FHIT: variants seen among roughly 807,000 people sequenced by gnomAD.
FHIT encodes the protein fragile histidine triad diadenosine triphosphatase.
In FHIT, 19 loss-of-function variants were observed where a neutral mutation model predicts 17.9. The observed-to-expected ratio is 1.06, with a 90% CI of 0.74 to 1.56. The LOEUF (loss-of-function observed/expected upper bound fraction) is 1.56, where lower values mean the gene tolerates loss of function less well. FHIT is among the 40% of genes most tolerant of loss of function. FHIT has a pLI of 0.00. For synonymous variants in FHIT, 81 were observed against 69.7 expected (o/e 1.16, Z -0.81); for missense variants, 248 against 189.2 (o/e 1.31, Z -1.82).
intron 1 of FHIT, among the ~76,000 whole-genome samples, chr3:61,206,250 G>C (rs1456697281): frequency 1.5e-5 from 2 of 130,928 alleles, no homozygotes; most frequent in Non-Finnish European, 3.3e-5. Context: ...GTCAGGTAGT[G>C]TGATGCCTCC....
intron 5 of FHIT, among the ~76,000 whole-genome samples, chr3:60,054,635 C>T (rs886533505): frequency 1.3e-5 from 2 of 152,124 alleles, no homozygotes; most frequent in Non-Finnish European, 2.9e-5. Context: ...ACACTTCTGC[C>T]TGATCTGCTT....
At chr3:60,329,285 CTAGCCAT>C (rs1209299153) in intron 5 of FHIT, among the ~76,000 whole-genome samples, 1 of 151,954 alleles carries the variant, frequency 6.6e-6, no homozygotes, top group African/African-American at 2.4e-5. Flanking sequence ...GCTGAGTGTT[CTAGCCAT>C]TAGCCATTAG....
rs187965253 is a variant in FHIT at position 60,579,233 on chromosome 3, C to A, written c.-17-42254G>T. Among the ~76,000 whole-genome samples, 10 of 152,206 alleles carry A rather than the reference C, an allele frequency of 6.6e-5. No homozygotes were observed. The South Asian group carries it at 8.3e-4, about 13-fold the overall frequency. The stretch of plus-strand genomic sequence containing the variant: ...TAGCCCACTATACACATAGGCTATA[C>A]GCTATATGCTATATGCTGTAACCTA... On this transcript the variant is annotated intron_variant, in intron 4 of 9. Coordinates refer to ENST00000492590, the MANE Select transcript of FHIT (RefSeq NM_002012.4).
chr3:61,198,790 A>G (rs952918244), intron 2 of FHIT, among the ~76,000 whole-genome samples: 2 of 152,176 alleles, frequency 1.3e-5, no homozygotes, highest in Non-Finnish European at 2.9e-5. Flanking sequence ...TGGTAGCAAC[A>G]TGCTTATTTT....
At chr3:61,080,639 A>C (rs986912222) in intron 2 of FHIT, among the ~76,000 whole-genome samples, 7 of 152,190 alleles carry the variant, frequency 4.6e-5, no homozygotes, top group African/African-American at 1.7e-4. Context: ...ACTAACTGCA[A>C]ATAGAATTTA....
chr3:60,248,541 C>T (rs1200680409), intron 5 of FHIT, among the ~76,000 whole-genome samples: 1 of 152,062 alleles, frequency 6.6e-6, no homozygotes, highest in East Asian at 1.9e-4. Flanking sequence ...CATTTCGTTT[C>T]CATTTGAATT....
chr3:60,770,122 C>T (rs1699991226), intron 4 of FHIT, among the ~76,000 whole-genome samples: 1 of 152,044 alleles, frequency 6.6e-6, no homozygotes, highest in Non-Finnish European at 1.5e-5. Flanking sequence ...CTGCCGTGTG[C>T]CATGGTAAAG....
intron 4 of FHIT, among the ~76,000 whole-genome samples, chr3:60,798,808 A>T (rs1338602115): frequency 3.2e-5 from 4 of 126,648 alleles, no homozygotes; most frequent in Non-Finnish European, 4.6e-5. Context: ...CCCAGGCTGG[A>T]GTGCAGTGGC....
At chr3:60,012,256 T>G (rs1269695222) in intron 6 of FHIT, among the ~76,000 whole-genome samples, 1 of 142,536 alleles carries the variant, frequency 7.0e-6, no homozygotes, top group Non-Finnish European at 1.5e-5. Flanking sequence ...AATCAGGTGT[T>G]TTTTTTGTTG....
intron 5 of FHIT, among the ~76,000 whole-genome samples, chr3:60,045,633 C>T (rs558016441): frequency 2.0e-4 from 30 of 152,260 alleles, no homozygotes; most frequent in Non-Finnish European, 3.4e-4. Context: ...ATTCTCTCCC[C>T]TTCCCTCTCT....
At chr3:59,781,149 G>T (rs1174250073) in intron 8 of FHIT, among the ~76,000 whole-genome samples, 2 of 152,156 alleles carry the variant, frequency 1.3e-5, no homozygotes, top group Non-Finnish European at 2.9e-5. Context: ...TGCATTCCCT[G>T]CACTGTGAGC....
At chr3:59,762,769 G>C (rs969337104) in intron 8 of FHIT, among the ~76,000 whole-genome samples, 10 of 152,202 alleles carry the variant, frequency 6.6e-5, no homozygotes, top group Admixed American at 2.0e-4. Flanking sequence ...CAGTTTTCAG[G>C]AATTAATCGC....
intron 5 of FHIT, among the ~76,000 whole-genome samples, chr3:60,252,391 TAAAAATTTA>T: frequency 6.6e-6 from 1 of 151,856 alleles, no homozygotes; most frequent in South Asian, 2.1e-4. Context: ...AAAAAAATTT[TAAAAATTTA>T]AAAAATTTAA....
chr3:60,921,082 C>T (rs782006732), intron 3 of FHIT, among the ~76,000 whole-genome samples: 28 of 152,126 alleles, frequency 1.8e-4, no homozygotes, highest in African/African-American at 4.6e-4. Flanking sequence ...AGATAGGGGA[C>T]GGAGGAGAAA....
At chr3:60,504,449 T>C (rs2034649062) in intron 5 of FHIT, among the ~76,000 whole-genome samples, 1 of 152,116 alleles carries the variant, frequency 6.6e-6, no homozygotes, top group Non-Finnish European at 1.5e-5. Flanking sequence ...AAAAATTTTT[T>C]TTTTGGTTCA....
chr3:59,809,801 C>T (rs1024383407), intron 8 of FHIT, among the ~76,000 whole-genome samples: 1 of 152,144 alleles, frequency 6.6e-6, no homozygotes, highest in Admixed American at 6.5e-5. Flanking sequence ...ATCCCTTCCC[C>T]GAAGCTGCCA....
intron 1 of FHIT, among the ~76,000 whole-genome samples, chr3:61,237,183 G>A (rs1329920636): frequency 1.3e-5 from 2 of 152,124 alleles, no homozygotes; most frequent in Non-Finnish European, 2.9e-5. Flanking sequence ...ATAGAGTTTT[G>A]GGGTGTTTAA....
intron 3 of FHIT, among the ~76,000 whole-genome samples, chr3:60,824,603 G>T (rs183215459): frequency 2.0e-5 from 3 of 152,274 alleles, no homozygotes; most frequent in Admixed American, 2.0e-4. Flanking sequence ...ATATGGTTTG[G>T]CTGTGTCCCC....
At chr3:59,917,036 A>G (rs1233036876) in intron 8 of FHIT, among the ~76,000 whole-genome samples, 1 of 152,222 alleles carries the variant, frequency 6.6e-6, no homozygotes, top group Non-Finnish European at 1.5e-5. Flanking sequence ...CTCTGAGCCC[A>G]TTGTCAAATG....
Sources: allele counts gnomAD v4.1 joint callset (sites outside exome capture counted in the v4.1 genomes callset), GRCh38; gene constraint gnomAD v4.1.1; transcripts MANE v1.5; gene names NCBI Gene and HGNC (gene_info 2026-07-23, HGNC 2026-07-21).